The following SIM2 variants were observed in gnomAD, a reference collection of about 807,000 sequenced individuals.
SIM2 encodes the protein SIM bHLH transcription factor 2.
Under a neutral mutation model 64.8 loss-of-function variants are expected in SIM2, and 28 were observed. That is an observed-to-expected ratio of 0.43 (90% CI 0.32 to 0.59). SIM2 has a LOEUF of 0.59. Among genes scored for constraint, SIM2 ranks in the 20% least tolerant of loss-of-function variants. The pLI is 0.07. For synonymous variants in SIM2, 408 were observed against 391.1 expected, an observed-to-expected ratio of 1.04 and a Z score of -0.51; for missense variants, 847 against 871.4, an observed-to-expected ratio of 0.97 and a Z score of 0.35.
At chr21:36,705,678 A>C (rs2088570685) in intron 1 of SIM2, among the ~76,000 whole-genome samples, 1 of 152,122 alleles carries the variant, frequency 6.6e-6, no homozygotes, top group Non-Finnish European at 1.5e-5. Flanking sequence ...AGTCGGGAGG[A>C]GGTGAGACCC....
chr21:36,719,669 A>G (rs2088795861), intron 3 of SIM2, 152 bp from the exon 4 acceptor site: 1 of 614,576 alleles, frequency 1.6e-6, no homozygotes, highest in Non-Finnish European at 2.9e-6. Flanking sequence ...TGAGAAAAGA[A>G]AACTGTTTCT....
At chr21:36,736,828 CTTCT>C (rs964865037) in intron 7 of SIM2, among the ~76,000 whole-genome samples, 74 of 137,888 alleles carry the variant, frequency 5.4e-4, no homozygotes, top group Middle Eastern at 3.6e-3. Flanking sequence ...CCCTCCCTTT[CTTCT>C]TTCTTTCTCT....
At chr21:36,735,724 C>T (rs1011390054) in intron 7 of SIM2, among the ~76,000 whole-genome samples, 1 of 152,212 alleles carries the variant, frequency 6.6e-6, no homozygotes, top group Admixed American at 6.5e-5. Flanking sequence ...CACAATTCAG[C>T]CCTCAACTAG....
At chr21:36,728,773 T>C (rs2088927711) in intron 6 of SIM2, among the ~76,000 whole-genome samples, 1 of 152,172 alleles carries the variant, frequency 6.6e-6, no homozygotes, top group Admixed American at 6.5e-5. Flanking sequence ...AGATGTCCCT[T>C]CTGAGTCCAA....
rs531370699 is a variant in SIM2, at chr21:36,745,966, G to A, written c.1576+830G>A. 65 of 1,219,492 alleles carry A rather than the reference G, an allele frequency of 5.3e-5. No homozygotes were observed. Among genetic ancestry groups the A allele is most frequent in the East Asian group, 1.2e-4 (2 of 16,802 alleles). 75.5% of individuals were successfully genotyped at this position (1,219,492 alleles called of 1,614,324 possible). A position where few individuals can be genotyped will look rare whatever the true frequency, so the allele number is the denominator to read the frequency against. ...CTAACTGCCGCTCAGAGTGTAGACC[G>A]AGATGGTGCAGATGCCTGCAGTGCC... On this transcript the variant is annotated intron_variant, in intron 10 of 10. Coordinates refer to ENST00000290399, the MANE Select transcript of SIM2 (RefSeq NM_005069.6). The surrounding 1 kb of genome is among the most constrained non-coding windows in gnomAD (Gnocchi z 4.8).
intron 9 of SIM2, 92 bp from the exon 10 acceptor site, chr21:36,744,636 G>C: frequency 6.9e-7 from 1 of 1,456,696 alleles, no homozygotes; most frequent in Non-Finnish European, 9.1e-7. Context: ...CTTGGATGGG[G>C]TTGGGCCCCG....
At chr21:36,709,317 C>G (rs560214678) in intron 2 of SIM2, 67 bp downstream of exon 2, 8 of 1,311,982 alleles carry the variant, frequency 6.1e-6, no homozygotes, top group Non-Finnish European at 8.5e-6. Flanking sequence ...GCCACCCCAG[C>G]CTCCAGGCGT....
chr21:36,699,830 G>C lies in SIM2; in HGVS notation c.84G>C (p.Pro28=), dbSNP rs1368516007. 2.5e-6 allele frequency: 4 copies of C among 1,610,748 alleles called. No individual in the cohort carries two copies. Among genetic ancestry groups the C allele is most frequent in the Non-Finnish European group, 3.4e-6 (4 of 1,178,684 alleles). ...GEFYELAKLL[P]LPSAITSQLD... ...TTTACGAGCTTGCCAAGCTGCTCCC[G>C]CTGCCGTCGGCCATCACTTCGCAGC... The change falls in exon 1 of 11, where the codon CCG becomes CCC. Residue 28 remains proline, a synonymous_variant. Coordinates refer to ENST00000290399, the MANE Select transcript of SIM2 (RefSeq NM_005069.6). The surrounding 1 kb of genome is among the most constrained non-coding windows in gnomAD (Gnocchi z 5.6).
intron 2 of SIM2, chr21:36,709,478 A>T: frequency 3.0e-6 from 2 of 673,652 alleles, no homozygotes; most frequent in Non-Finnish European, 5.4e-6. Flanking sequence ...ACCCCGCCGA[A>T]GGCCCCAGGA....
At chr21:36,712,981 C>G (rs879058157) in intron 3 of SIM2, among the ~76,000 whole-genome samples, 7 of 152,124 alleles carry the variant, frequency 4.6e-5, no homozygotes, top group South Asian at 2.1e-4. Flanking sequence ...CTGGTCTGCA[C>G]GTTACGGTAT....
At position 36,748,752 on chromosome 21, in the gene SIM2, A is replaced by C. The variant is rs2089274360; in HGVS notation, c.*660A>C. The C allele has an allele frequency of 6.5e-6, 1 of 152,676 alleles. No individual in the cohort carries two copies. The highest frequency in any genetic ancestry group is 1.5e-5 in the Non-Finnish European group (1 of 68,054). 9.5% of individuals were successfully genotyped at this position (152,676 alleles called of 1,614,324 possible). ...ATAGGTGTGCTTCCCAAATACATTA[A>C]CAAGCTCTTACTTCCCCCTAACCCC... On this transcript the variant is annotated 3_prime_UTR_variant, in exon 11 of 11. Coordinates refer to ENST00000290399, the MANE Select transcript of SIM2 (RefSeq NM_005069.6).
intron 1 of SIM2, among the ~76,000 whole-genome samples, chr21:36,702,579 T>A (rs1358123435): frequency 6.6e-6 from 1 of 152,150 alleles, no homozygotes; most frequent in Non-Finnish European, 1.5e-5. Flanking sequence ...AGACCTCCAT[T>A]ATGCAAACTG....
intron 2 of SIM2, among the ~76,000 whole-genome samples, chr21:36,711,482 A>G (rs1055722278): frequency 3.9e-5 from 6 of 152,230 alleles, no homozygotes; most frequent in Admixed American, 1.3e-4. Context: ...AGCAAACTGT[A>G]TTTGAGACAG....
At chr21:36,738,910 G>C (rs1307042480) in intron 7 of SIM2, among the ~76,000 whole-genome samples, 4 of 152,216 alleles carry the variant, frequency 2.6e-5, no homozygotes, top group Admixed American at 2.6e-4. Context: ...GCATGGTCCG[G>C]GAGAGACCCC....
chr21:36,707,885 G>A (rs1316734715), intron 1 of SIM2, among the ~76,000 whole-genome samples: 1 of 151,010 alleles, frequency 6.6e-6, no homozygotes, highest in Non-Finnish European at 1.5e-5. Context: ...CGCGCTGCCC[G>A]GGGGCTCCTG....
chr21:36,710,751 G>C (rs2088663645), intron 2 of SIM2: 1 of 152,234 alleles, frequency 6.6e-6, no homozygotes. Flanking sequence ...GCCTGCGGAA[G>C]AGAAGACCCG....
intron 6 of SIM2, among the ~76,000 whole-genome samples, chr21:36,728,553 C>T (rs1195187562): frequency 6.6e-6 from 1 of 152,256 alleles, no homozygotes; most frequent in Non-Finnish European, 1.5e-5. Flanking sequence ...TCCTGCCTCT[C>T]CCAGATCTCT....
At chr21:36,704,980 C>T (rs1321440096) in intron 1 of SIM2, among the ~76,000 whole-genome samples, 1 of 152,246 alleles carries the variant, frequency 6.6e-6, no homozygotes, top group Non-Finnish European at 1.5e-5. Context: ...CGACAATTTA[C>T]TGGGATCCTT....
chr21:36,736,991 G>A (rs919767357), intron 7 of SIM2, among the ~76,000 whole-genome samples: 5 of 151,680 alleles, frequency 3.3e-5, no homozygotes, highest in African/African-American at 4.9e-5. Flanking sequence ...CAGTAGCGTG[G>A]TCGGAGCTCA....
Sources: allele counts gnomAD v4.1 joint callset (sites outside exome capture counted in the v4.1 genomes callset), GRCh38; gene constraint gnomAD v4.1.1; non-coding constraint Gnocchi (gnomAD v3.1); transcripts MANE v1.5; gene names NCBI Gene and HGNC (gene_info 2026-07-23, HGNC 2026-07-21).